HECW2: variants seen among roughly 807,000 people sequenced by gnomAD.
The protein encoded by HECW2 is HECT, C2 and WW domain containing E3 ubiquitin protein ligase 2.
Under a neutral mutation model 175.2 loss-of-function variants are expected in HECW2, and 61 were observed. That is an observed-to-expected ratio of 0.35 (90% CI 0.28 to 0.43). The LOEUF (loss-of-function observed/expected upper bound fraction) is 0.43, where lower values mean the gene tolerates loss of function less well. HECW2 is among the 20% of genes least tolerant of loss of function. The pLI is 1.00. For synonymous variants in HECW2, 671 were observed against 731.0 expected (o/e 0.92, Z 1.32); for missense variants, 1,524 against 2,000.5 (o/e 0.76, Z 4.54).
At chr2:196,523,832 G>A (rs1158468159) in intron 1 of HECW2, among the ~76,000 whole-genome samples, 1 of 151,966 alleles carries the variant, frequency 6.6e-6, no homozygotes, top group Non-Finnish European at 1.5e-5. Context: ...AAGCCCACTT[G>A]ATCATAGTGG....
At chr2:196,301,064 T>C (rs377220615) in intron 13 of HECW2, among the ~76,000 whole-genome samples, 5 of 152,056 alleles carry the variant, frequency 3.3e-5, no homozygotes, top group African/African-American at 1.2e-4. Context: ...GTGTGTGTTG[T>C]TCCCCGCCAG....
intron 1 of HECW2, among the ~76,000 whole-genome samples, chr2:196,510,656 G>T (rs1398181706): frequency 6.6e-6 from 1 of 151,506 alleles, no homozygotes; most frequent in African/African-American, 2.4e-5. Flanking sequence ...TTAAGGTAGG[G>T]TTTTAATTGT....
At chr2:196,371,887 T>G (rs1287424070) in intron 2 of HECW2, among the ~76,000 whole-genome samples, 1 of 152,212 alleles carries the variant, frequency 6.6e-6, no homozygotes, top group Admixed American at 6.5e-5. Context: ...CTGTTTTCTG[T>G]GAATCTACCA....
At chr2:196,254,147 C>G in intron 18 of HECW2, 118 bp from the exon 19 acceptor site, 1 of 1,403,016 alleles carries the variant, frequency 7.1e-7, no homozygotes, top group South Asian at 1.4e-5. Flanking sequence ...AGAGAGCATC[C>G]GCCCCCTTTC....
intron 13 of HECW2, among the ~76,000 whole-genome samples, chr2:196,301,315 G>A (rs999305363): frequency 5.3e-5 from 8 of 151,968 alleles, no homozygotes. Context: ...CTTTGATATT[G>A]TGAATAGTGC....
At chr2:196,257,330 G>A (rs893276542) in intron 18 of HECW2, among the ~76,000 whole-genome samples, 1 of 152,194 alleles carries the variant, frequency 6.6e-6, no homozygotes, top group African/African-American at 2.4e-5. Context: ...TATCAAGTTG[G>A]CAATGAGTAG....
intron 1 of HECW2, among the ~76,000 whole-genome samples, chr2:196,497,999 C>T (rs1462152172): frequency 2.0e-5 from 3 of 152,230 alleles, no homozygotes; most frequent in Non-Finnish European, 4.4e-5. Context: ...TGGATCTTCA[C>T]TCTAAAGCCC....
intron 6 of HECW2, 116 bp from the exon 7 acceptor site, chr2:196,322,736 C>T (rs1691996070): frequency 1.1e-6 from 1 of 872,336 alleles, no homozygotes; most frequent in Non-Finnish European, 1.7e-6. Flanking sequence ...CAGAGTTCCA[C>T]ATAGCTAGAA....
intron 2 of HECW2, among the ~76,000 whole-genome samples, chr2:196,363,311 G>A (rs1481562028): frequency 6.6e-6 from 1 of 151,976 alleles, no homozygotes; most frequent in African/African-American, 2.4e-5. Context: ...CTAAGAATAA[G>A]GTCAGTAGTG....
chr2:196,231,765 G>T (rs544856000), intron 21 of HECW2, among the ~76,000 whole-genome samples: 4 of 17,862 alleles, frequency 2.2e-4, no homozygotes, highest in South Asian at 4.5e-3. Flanking sequence ...GAGGCAGACG[G>T]ATCACAAGGT....
intron 2 of HECW2, among the ~76,000 whole-genome samples, chr2:196,430,308 A>T (rs1396912451): frequency 6.6e-6 from 1 of 152,230 alleles, no homozygotes; most frequent in African/African-American, 2.4e-5. Flanking sequence ...TTAGAAAAAA[A>T]ATCAACACTG....
intron 5 of HECW2, among the ~76,000 whole-genome samples, chr2:196,328,287 A>T (rs1420204939): frequency 6.6e-6 from 1 of 152,206 alleles, no homozygotes; most frequent in East Asian, 1.9e-4. Context: ...ATAGTACCAC[A>T]GGCAGTGGTT....
chr2:196,386,131 G>A (rs1458512490), intron 2 of HECW2, among the ~76,000 whole-genome samples: 4 of 152,170 alleles, frequency 2.6e-5, no homozygotes, highest in African/African-American at 9.7e-5. Flanking sequence ...CAGGATCTTA[G>A]GATACATGAG....
At chr2:196,534,263 G>A (rs1359227283) in intron 1 of HECW2, among the ~76,000 whole-genome samples, 2 of 148,954 alleles carry the variant, frequency 1.3e-5, no homozygotes, top group Non-Finnish European at 3.0e-5. Context: ...TGTGTGTCAG[G>A]GCCTCCGTTT....
Position 196,268,985 on chromosome 2 carries a change from C to T in HECW2, c.3335+2208G>A, listed in dbSNP as rs560078605. Among the ~76,000 whole-genome samples the T allele has an allele frequency of 5.3e-5, 8 of 152,284 alleles. No individual in the cohort carries two copies. In the East Asian group the frequency reaches 1.5e-3, roughly 29 times the overall value. On this transcript the variant is annotated intron_variant, in intron 17 of 28. Transcript: ENST00000644978. ...ATAATAAACAAACATGCAAAATCTTCACTTGCATAATTATTATAATTTTTC... is the reference window on the plus strand; with the variant it reads ...ATAATAAACAAACATGCAAAATCTTTACTTGCATAATTATTATAATTTTTC...
intron 1 of HECW2, among the ~76,000 whole-genome samples, chr2:196,436,961 T>C (rs886800170): frequency 2.0e-5 from 3 of 152,188 alleles, no homozygotes; most frequent in African/African-American, 7.2e-5. Context: ...AACATATTTA[T>C]AATGGGCTTA....
At chr2:196,476,004 A>T (rs939463284) in intron 1 of HECW2, among the ~76,000 whole-genome samples, 5 of 152,124 alleles carry the variant, frequency 3.3e-5, no homozygotes, top group Admixed American at 3.3e-4. Flanking sequence ...CTAGCATAGG[A>T]CCCTCAATAC....
intron 1 of HECW2, among the ~76,000 whole-genome samples, chr2:196,448,586 C>T (rs747488281): frequency 5.9e-5 from 9 of 152,212 alleles, no homozygotes; most frequent in Non-Finnish European, 8.8e-5. Context: ...CAGCCTCCCC[C>T]GCCAAAGCAG....
chr2:196,292,253 A>C, intron 14 of HECW2: 1 of 246,160 alleles, frequency 4.1e-6, no homozygotes, highest in Non-Finnish European at 7.8e-6. Context: ...AGGGATAAGG[A>C]AGCACTGCCT....
Sources: allele counts gnomAD v4.1 joint callset (sites outside exome capture counted in the v4.1 genomes callset), GRCh38; gene constraint gnomAD v4.1.1; transcripts MANE v1.5; gene names NCBI Gene and HGNC (gene_info 2026-07-23, HGNC 2026-07-21).